SCFD2: variants seen among roughly 807,000 people sequenced by gnomAD.
The protein encoded by SCFD2 is sec1 family domain containing 2, also known as sec1 family domain-containing protein 2.
Under a neutral mutation model 58.9 loss-of-function variants are expected in SCFD2, and 54 were observed. That is an observed-to-expected ratio of 0.92 (90% confidence interval 0.74 to 1.15). SCFD2 has a LOEUF of 1.15. Ranked by LOEUF, SCFD2 falls within the 50% of genes most tolerant of loss-of-function variation. The pLI, the probability that SCFD2 is intolerant of heterozygous loss-of-function variation, is 0.00. For synonymous variants in SCFD2, 321 were observed against 335.9 expected, an observed-to-expected ratio of 0.96 and a Z score of 0.49; for missense variants, 805 against 836.6, an observed-to-expected ratio of 0.96 and a Z score of 0.47.
chr4:53,048,564 T>C (rs1326916161), intron 5 of SCFD2, among the ~76,000 whole-genome samples: 1 of 152,192 alleles, frequency 6.6e-6, no homozygotes, highest in East Asian at 1.9e-4. Context: ...AGGGAGACCC[T>C]GTCTCTACAG....
intron 3 of SCFD2, 120 bp downstream of exon 3, chr4:53,313,516 A>G (rs1480771854): frequency 2.8e-6 from 3 of 1,070,378 alleles, no homozygotes; most frequent in African/African-American, 3.1e-5. Flanking sequence ...TTCTTTCAAC[A>G]GTATACAAAA....
chr4:52,968,676 A>C (rs1426833433), intron 5 of SCFD2, among the ~76,000 whole-genome samples: 1 of 152,184 alleles, frequency 6.6e-6, no homozygotes, highest in Admixed American at 6.5e-5. Flanking sequence ...TATCACTGCA[A>C]GACAGAATTG....
chr4:53,192,608 C>T (rs1475669849), intron 4 of SCFD2, among the ~76,000 whole-genome samples: 5 of 152,140 alleles, frequency 3.3e-5, no homozygotes, highest in African/African-American at 7.2e-5. Flanking sequence ...GAAAACCCCA[C>T]GAATTGCCAT....
intron 4 of SCFD2, among the ~76,000 whole-genome samples, chr4:53,215,359 G>C (rs1215360624): frequency 6.6e-6 from 1 of 152,048 alleles, no homozygotes; most frequent in East Asian, 1.9e-4. Flanking sequence ...TCCTTGAAGA[G>C]GTCCTTCACG....
At chr4:53,017,896 G>T (rs1238041460) in intron 5 of SCFD2, among the ~76,000 whole-genome samples, 2 of 82,656 alleles carry the variant, frequency 2.4e-5, no homozygotes, top group Admixed American at 1.4e-4. Flanking sequence ...GTATCCAAAC[G>T]GCTCACAGCC....
intron 4 of SCFD2, among the ~76,000 whole-genome samples, chr4:53,213,388 T>G (rs1329980161): frequency 6.6e-6 from 1 of 152,076 alleles, no homozygotes; most frequent in Non-Finnish European, 1.5e-5. Flanking sequence ...GCGTCTGACT[T>G]GATTCATTTC....
chr4:53,041,477 C>T (rs1722899279), intron 5 of SCFD2, among the ~76,000 whole-genome samples: 1 of 152,136 alleles, frequency 6.6e-6, no homozygotes, highest in Non-Finnish European at 1.5e-5. Context: ...CATACTTGCA[C>T]ACAGTAAAAC....
intron 5 of SCFD2, among the ~76,000 whole-genome samples, chr4:53,000,580 G>A (rs1249376079): frequency 1.4e-4 from 21 of 152,194 alleles, no homozygotes; most frequent in Non-Finnish European, 1.5e-5. Context: ...TCCATAAGCT[G>A]AGTCCTGAGT....
chr4:52,901,130 G>A (rs907287049), intron 7 of SCFD2, among the ~76,000 whole-genome samples: 1 of 152,174 alleles, frequency 6.6e-6, no homozygotes, highest in East Asian at 1.9e-4. Flanking sequence ...GCTCATGCAC[G>A]GTGCACTGCA....
At chr4:53,154,601 T>C (rs1726609278) in intron 4 of SCFD2, among the ~76,000 whole-genome samples, 1 of 152,152 alleles carries the variant, frequency 6.6e-6, no homozygotes, top group Admixed American at 6.5e-5. Context: ...AGCCAAGCCA[T>C]GGTGTGTGCA....
chr4:53,325,849 T>C (rs940245285), intron 2 of SCFD2, among the ~76,000 whole-genome samples: 25 of 151,894 alleles, frequency 1.6e-4, no homozygotes, highest in African/African-American at 5.1e-4. Context: ...CTTTGTCCAG[T>C]TTTTTTTAGG....
At chr4:53,249,563 A>C (rs559329343) in intron 4 of SCFD2, among the ~76,000 whole-genome samples, 1 of 152,232 alleles carries the variant, frequency 6.6e-6, no homozygotes, top group Non-Finnish European at 1.5e-5. Flanking sequence ...GAGAAAGGTC[A>C]GGTTACCCAC....
At chr4:52,922,679 A>G (rs926452891) in intron 5 of SCFD2, among the ~76,000 whole-genome samples, 4 of 152,136 alleles carry the variant, frequency 2.6e-5, no homozygotes, top group South Asian at 2.1e-4. Flanking sequence ...TTACATGTAC[A>G]TGTTTTTGTG....
At chr4:53,056,936 C>A (rs946967201) in intron 5 of SCFD2, among the ~76,000 whole-genome samples, 1 of 152,110 alleles carries the variant, frequency 6.6e-6, no homozygotes, top group African/African-American at 2.4e-5. Context: ...GTAATCCCAG[C>A]ACTTTGGGAA....
At chr4:53,175,458 A>C (rs1169377003) in intron 4 of SCFD2, among the ~76,000 whole-genome samples, 5 of 152,236 alleles carry the variant, frequency 3.3e-5, no homozygotes, top group African/African-American at 1.2e-4. Context: ...CAATGAGTTC[A>C]TATAACTACT....
intron 2 of SCFD2, among the ~76,000 whole-genome samples, chr4:53,334,375 G>T (rs995273472): frequency 6.6e-6 from 1 of 152,074 alleles, no homozygotes; most frequent in African/African-American, 2.4e-5. Context: ...TGACAGACTG[G>T]ATTAAGAAAA....
At chr4:53,282,603 A>T (rs1334659206) in intron 3 of SCFD2, among the ~76,000 whole-genome samples, 1 of 152,114 alleles carries the variant, frequency 6.6e-6, no homozygotes, top group Non-Finnish European at 1.5e-5. Flanking sequence ...CATTTTTATT[A>T]GCCTAAAAAG....
chr4:53,036,335 T>C (rs1265975294), intron 5 of SCFD2, among the ~76,000 whole-genome samples: 2 of 151,796 alleles, frequency 1.3e-5, no homozygotes, highest in Non-Finnish European at 2.9e-5. Context: ...TGTGATAGTT[T>C]GCTTAGAATG....
At chr4:53,239,536 G>C (rs928890810) in intron 4 of SCFD2, among the ~76,000 whole-genome samples, 2 of 152,210 alleles carry the variant, frequency 1.3e-5, no homozygotes, top group African/African-American at 4.8e-5. Flanking sequence ...CCAAGCTGGA[G>C]TGCAATGGCT....
Sources: gnomAD v4.1 joint callset for allele counts (sites outside exome capture counted in the v4.1 genomes callset) on GRCh38, gnomAD v4.1.1 for gene constraint, MANE v1.5 for transcripts, NCBI Gene and HGNC (gene_info 2026-07-23, HGNC 2026-07-21) for gene names.